PEG3: variants seen among roughly 807,000 people sequenced by gnomAD.
PEG3 encodes the protein paternally-expressed gene 3 protein.
A neutral mutation model predicts 35.5 loss-of-function variants in PEG3; 23 were observed. The observed-to-expected ratio is 0.65, with a 90% CI of 0.47 to 0.92. PEG3 has a LOEUF of 0.92. Ranked by LOEUF, PEG3 falls within the 40% of genes least tolerant of loss-of-function variation. The probability of loss-of-function intolerance (pLI) is 0.00; values close to 1 mark genes in which losing one functional copy is unlikely to be tolerated. For synonymous variants in PEG3, 707 were observed against 697.0 expected, an observed-to-expected ratio of 1.01 and a Z score of -0.23; for missense variants, 1,960 against 1,985.3, an observed-to-expected ratio of 0.99 and a Z score of 0.24.
intron 2 of PEG3, chr19:56,833,847 A>T (rs920454992): frequency 1.3e-5 from 2 of 152,812 alleles, no homozygotes; most frequent in African/African-American, 4.8e-5. Context: ...CACCAACTCC[A>T]TCTCACAGGC....
At chr19:56,838,913 A>AC (rs1399241787) in intron 1 of PEG3, among the ~76,000 whole-genome samples, 4 of 152,214 alleles carry the variant, frequency 2.6e-5, no homozygotes, top group Admixed American at 6.5e-5. Flanking sequence ...CAAAGATGGC[A>AC]CCCAGGTGGG....
At chr19:56,825,862 A>G (rs1258012099) in intron 3 of PEG3, among the ~76,000 whole-genome samples, 1 of 152,224 alleles carries the variant, frequency 6.6e-6, no homozygotes, top group Non-Finnish European at 1.5e-5. Flanking sequence ...CATTATTCAG[A>G]GTCTCTCATT....
intron 2 of PEG3, among the ~76,000 whole-genome samples, chr19:56,835,325 C>T (rs2061979757): frequency 1.3e-5 from 2 of 152,212 alleles, no homozygotes; most frequent in Non-Finnish European, 2.9e-5. Flanking sequence ...CACAATGAAA[C>T]CACAACTTAC....
chr19:56,810,871 G>A lies in PEG3; in HGVS notation c.*2804C>T, dbSNP rs2059491031. 5 of 965,774 alleles carry A rather than the reference G, an allele frequency of 5.2e-6. No homozygotes were observed. The highest frequency in any genetic ancestry group is 6.2e-6 in the Non-Finnish European group (5 of 812,264). The allele number at this position is 965,774 out of a possible 1,614,324, so 59.8% of individuals were successfully genotyped here. ...ATTTTCTAATTTTTCCTCTGGGTATGTATTATGCACACCAATGGAGACACA... is the reference window on the plus strand; with the variant it reads ...ATTTTCTAATTTTTCCTCTGGGTATATATTATGCACACCAATGGAGACACA... On this transcript the variant is annotated 3_prime_UTR_variant, in exon 10 of 10. Transcript: ENST00000326441.
chr19:56,817,930 A>G (rs1568650025), intron 8 of PEG3, 95 bp from the exon 9 acceptor site: 1 of 948,542 alleles, frequency 1.1e-6, no homozygotes, highest in African/African-American at 1.6e-5. Flanking sequence ...TGAGCCACTA[A>G]ATATGAGGTG....
intron 2 of PEG3, chr19:56,833,052 T>A (rs1404975370): frequency 4.7e-6 from 2 of 427,380 alleles, no homozygotes; most frequent in African/African-American, 4.1e-5. Context: ...AGAGAAATGA[T>A]GGGTCAGTGT....
Position 56,810,256 on chromosome 19 carries a change from C to G in PEG3, c.*3419G>C. On this transcript the variant is annotated 3_prime_UTR_variant, in exon 10 of 10. Transcript: ENST00000326441. ...GAGTTTCTCTTCTACATTTCTGTAA[C>G]TTCAAAGTTTCTATAATGAACACAT... is the stretch of plus-strand genomic sequence containing the variant. The G allele has an allele frequency of 1.0e-5, 10 of 983,508 alleles. No individual in the cohort carries two copies. The highest frequency in any genetic ancestry group is 1.2e-5 in the Non-Finnish European group (10 of 828,274). The allele number at this position is 983,508 out of a possible 1,614,324, so 60.9% of individuals were successfully genotyped here.
At chr19:56,840,393 A>G (rs1232374958) in intron 1 of PEG3, among the ~76,000 whole-genome samples, 189 bp downstream of exon 1, 1 of 152,100 alleles carries the variant, frequency 6.6e-6, no homozygotes. Flanking sequence ...CCTGGCCGCC[A>G]CTGTGCCCAC....
chr19:56,810,139 A>G lies in PEG3; in HGVS notation c.*3536T>C, dbSNP rs2048017286. On this transcript the variant is annotated 3_prime_UTR_variant, in exon 10 of 10. Coordinates refer to ENST00000326441, the MANE Select transcript of PEG3 (RefSeq NM_006210.3). Reference sequence around the variant, plus strand: ...TATTACAGATAGAATGACCACAACCATATTAACAAACCAAAAACCTGTGCA... The same window carrying G: ...TATTACAGATAGAATGACCACAACCGTATTAACAAACCAAAAACCTGTGCA... 2 of 971,714 alleles carry G rather than the reference A, an allele frequency of 2.1e-6. No individual in the cohort carries two copies. Among genetic ancestry groups the G allele is most frequent in the Non-Finnish European group, 2.4e-6 (2 of 817,390 alleles). 60.2% of individuals were successfully genotyped at this position (971,714 alleles called of 1,614,324 possible).
Position 56,816,035 on chromosome 19 carries a change from C to T in PEG3, c.2407G>A (p.Ala803Thr). ...VAGPSKPKVM[A>T]ESTIQSFDAI... ...TCGAAGCTCTGAATGGTAGACTCTGCCATTACTTTTGGTTTACTGGGCCCT... is the reference window on the plus strand; with the variant it reads ...TCGAAGCTCTGAATGGTAGACTCTGTCATTACTTTTGGTTTACTGGGCCCT... The change falls in exon 10 of 10, where the codon GCA becomes ACA. Residue 803 changes from alanine (A) to threonine (T), a missense_variant. Physicochemically the swap from Ala to Thr is moderately conservative, Grantham distance 58 (BLOSUM62 0). Transcript: ENST00000326441. The T allele has an allele frequency of 6.3e-7, 1 of 1,595,792 alleles. No individual in the cohort carries two copies. The highest frequency in any genetic ancestry group is 8.5e-7 in the Non-Finnish European group (1 of 1,171,470).
At chr19:56,818,469 T>C (rs559517260) in intron 8 of PEG3, 131 bp downstream of exon 8, 3 of 996,916 alleles carry the variant, frequency 3.0e-6, no homozygotes, top group Non-Finnish European at 4.4e-6. Flanking sequence ...TTGAAATCTT[T>C]CAAAGATTTC....
At chr19:56,817,859 A>C in intron 8 of PEG3, 24 bp from the exon 9 acceptor site, 1 of 1,597,246 alleles carries the variant, frequency 6.3e-7, no homozygotes, top group Non-Finnish European at 8.6e-7. Flanking sequence ...GGACAATATG[A>C]TGCCTCAAAT....
chr19:56,834,825 T>C (rs190531096), intron 2 of PEG3, among the ~76,000 whole-genome samples: 1 of 152,286 alleles, frequency 6.6e-6, no homozygotes, highest in Admixed American at 6.5e-5. Flanking sequence ...CTTACTCTTC[T>C]TGTGATGGGA....
chr19:56,813,257 T>TA lies in PEG3; in HGVS notation c.*417dup. 2 of 968,938 alleles carry TA rather than the reference T, an allele frequency of 2.1e-6. No individual in the cohort carries two copies. The highest frequency in any genetic ancestry group is 2.5e-6 in the Non-Finnish European group (2 of 813,518). 60.0% of individuals were successfully genotyped at this position (968,938 alleles called of 1,614,324 possible). On this transcript the variant is annotated 3_prime_UTR_variant, in exon 10 of 10. Coordinates refer to ENST00000326441, the MANE Select transcript of PEG3 (RefSeq NM_006210.3). The stretch of plus-strand genomic sequence containing the variant: ...TAAGGTACCTCTGCAGAGTAAACTG[T>TA]AACTGTATATCATATAAATCCAAAT...
chr19:56,816,628 CCGCGCT>C lies in PEG3; in HGVS notation c.1808_1813del (p.Glu603_Arg604del), dbSNP rs759180539. ...GGCTGGGCTGGGCCTAAAGGTTTCC[CCGCGCT>C]CACGTTCACGTTCACGTTCATGTTC... On this transcript the variant is annotated inframe_deletion, in exon 10 of 10. Transcript: ENST00000326441. The C allele has an allele frequency of 1.2e-6, 2 of 1,612,590 alleles. No individual in the cohort carries two copies. The highest frequency in any genetic ancestry group is 2.7e-5 in the African/African-American group (2 of 75,028).
chr19:56,831,195 TC>T (rs889045975), intron 2 of PEG3, among the ~76,000 whole-genome samples: 9 of 152,140 alleles, frequency 5.9e-5, no homozygotes, highest in African/African-American at 2.2e-4. Context: ...AAGTGTTTTT[TC>T]CAATATAAGG....
intron 1 of PEG3, among the ~76,000 whole-genome samples, chr19:56,836,841 G>A (rs1048171512): frequency 7.2e-5 from 11 of 151,904 alleles, no homozygotes; most frequent in East Asian, 1.9e-4. Flanking sequence ...GGTGGCGCGC[G>A]CCTGTATTCC....
rs754877008 is a variant in PEG3, at chr19:56,822,754, G to A, written c.564C>T (p.Ser188=). The A allele has an allele frequency of 1.9e-6, 3 of 1,614,066 alleles. No homozygotes were observed. In the Admixed American group the frequency reaches 5.0e-5, roughly 27 times the overall value. ...GGAAAGAAAGTGGTTAAGACTCACT[G>A]CTTCTTGGGTTCCTGGTGTGGGACC... The part of the protein sequence containing the change: ...DRWSHTRNPR[S]RMPPRDLSLP... Residue 188 remains serine (S), a splice_region_variant and synonymous_variant, in exon 6 of 10, where the codon AGC becomes AGT. Coordinates refer to ENST00000326441, the MANE Select transcript of PEG3 (RefSeq NM_006210.3).
rs2146370137 is a variant in PEG3 at position 56,824,719 on chromosome 19, T to C, written c.-64A>G. The C allele has an allele frequency of 6.8e-7, 1 of 1,474,512 alleles. No individual in the cohort carries two copies. Among genetic ancestry groups the C allele is most frequent in the East Asian group, 2.3e-5 (1 of 43,914 alleles). 91.3% of individuals were successfully genotyped at this position (1,474,512 alleles called of 1,614,324 possible). On this transcript the variant is annotated 5_prime_UTR_variant, in exon 4 of 10. Coordinates refer to ENST00000326441, the MANE Select transcript of PEG3 (RefSeq NM_006210.3). Reference sequence around the variant, plus strand: ...AGTCAACAGGAAAGACGCGGCAGCCTGTGACCGTCAGTACTCAGGGACCTG... The same window carrying C: ...AGTCAACAGGAAAGACGCGGCAGCCCGTGACCGTCAGTACTCAGGGACCTG...
Sources: allele counts gnomAD v4.1 joint callset (sites outside exome capture counted in the v4.1 genomes callset), GRCh38; gene constraint gnomAD v4.1.1; transcripts MANE v1.5; gene names NCBI Gene and HGNC (gene_info 2026-07-23, HGNC 2026-07-21).